ADGRL3: variants seen among roughly 807,000 people sequenced by gnomAD.
ADGRL3 encodes the protein calcium-independent alpha-latrotoxin receptor 3.
In ADGRL3, 62 loss-of-function variants were observed where a neutral mutation model predicts 153.5. The ratio of observed to expected loss-of-function variants is 0.40; its 90% CI spans 0.33 to 0.50. ADGRL3 has a LOEUF of 0.50. ADGRL3 is among the 20% of genes least tolerant of loss of function. The pLI is 0.47. For synonymous variants in ADGRL3, 710 were observed against 672.5 expected (o/e 1.06, Z -0.86); for missense variants, 1,641 against 1,859.4 (o/e 0.88, Z 2.16).
At chr4:61,243,842 T>C (rs977310742) in intron 1 of ADGRL3, among the ~76,000 whole-genome samples, 1 of 151,944 alleles carries the variant, frequency 6.6e-6, no homozygotes, top group African/African-American at 2.4e-5. Context: ...TAAAATAAGT[T>C]AAAGGACATT....
chr4:61,396,290 A>G lies in ADGRL3; in HGVS notation c.-174+13101A>G, dbSNP rs375574484. ...ATTTATATTTATGTTTAATATATTT[A>G]GAATGCAAACTAAGTTATAATGTTG... is the stretch of plus-strand genomic sequence containing the variant. On this transcript the variant is annotated intron_variant, in intron 2 of 26. Transcript: ENST00000683033. Among the ~76,000 whole-genome samples, 34 of 152,094 alleles carry G rather than the reference A, an allele frequency of 2.2e-4. No individual in the cohort carries two copies. The South Asian group carries it at 2.5e-3, about 11-fold the overall frequency.
chr4:61,326,695 T>A (rs2150881644), intron 1 of ADGRL3, among the ~76,000 whole-genome samples: 1 of 151,678 alleles, frequency 6.6e-6, no homozygotes, highest in Non-Finnish European at 1.5e-5. Context: ...AAAACCTAAA[T>A]TTTTGTTGGA....
At position 61,775,642 on chromosome 4, in the gene ADGRL3, C is replaced by T. The variant is rs1047167980; in HGVS notation, c.1400-38167C>T. On this transcript the variant is annotated intron_variant, in intron 8 of 26. Transcript: ENST00000683033. ...AATTAGGTTGATTTGGTGTTCAGCA[C>T]AAAGGGCCTCCACCAACTTGACATA... 48 of 1,486,966 alleles carry T rather than the reference C, an allele frequency of 3.2e-5. No homozygotes were observed. In the Admixed American group the frequency reaches 8.0e-4, roughly 25 times the overall value. 92.1% of individuals were successfully genotyped at this position (1,486,966 alleles called of 1,614,324 possible). A position where few individuals can be genotyped will look rare whatever the true frequency, so the allele number is the denominator to read the frequency against.
At chr4:61,205,796 A>G (rs547413143) in intron 1 of ADGRL3, among the ~76,000 whole-genome samples, 3 of 152,318 alleles carry the variant, frequency 2.0e-5, no homozygotes, top group Admixed American at 6.5e-5. Context: ...CAGATTTTTC[A>G]TTCATTGTAA....
At position 61,562,587 on chromosome 4, in the gene ADGRL3, C is replaced by T. The variant is rs566428218; in HGVS notation, c.260-24640C>T. ...GAGTAGATTCCATCTCAAGAAACTA[C>T]TTTGCTCATCCCCAAGAAGCAACTC... On this transcript the variant is annotated intron_variant, in intron 4 of 26. Coordinates refer to ENST00000683033, the MANE Select transcript of ADGRL3 (RefSeq NM_001387552.1). 9.0e-4 allele frequency among the ~76,000 whole-genome samples: 137 copies of T among 152,244 alleles called. 1 individual carries two copies. Among genetic ancestry groups the T allele is most frequent in the African/African-American group, 3.1e-3 (127 of 41,548 alleles).
At chr4:61,589,464 A>G (rs938161382) in intron 5 of ADGRL3, among the ~76,000 whole-genome samples, 4 of 152,100 alleles carry the variant, frequency 2.6e-5, no homozygotes, top group Admixed American at 1.3e-4. Context: ...AATAATTACT[A>G]CTTATGGTAT....
intron 8 of ADGRL3, among the ~76,000 whole-genome samples, chr4:61,758,754 G>C (rs1561197335): frequency 6.6e-6 from 1 of 152,164 alleles, no homozygotes. Context: ...CTCATTAGTT[G>C]ATGCAGTTTC....
rs553482688 is a variant in ADGRL3 at position 62,002,830 on chromosome 4, A to T, written c.3395+4565A>T. Among the ~76,000 whole-genome samples, 22 of 152,220 alleles carry T rather than the reference A, an allele frequency of 1.4e-4. No individual in the cohort carries two copies. The South Asian group carries it at 4.6e-3, about 32-fold the overall frequency. On this transcript the variant is annotated intron_variant, in intron 21 of 26. Transcript: ENST00000683033. Reference sequence around the variant, plus strand: ...ATAATCATAGCAAAACTCTAACCTAATTTAAAAATAGTATATGTAAATATG... The same window carrying T: ...ATAATCATAGCAAAACTCTAACCTATTTTAAAAATAGTATATGTAAATATG...
intron 4 of ADGRL3, among the ~76,000 whole-genome samples, chr4:61,565,589 G>C (rs1317259802): frequency 6.6e-6 from 1 of 151,844 alleles, no homozygotes. Flanking sequence ...CCAGACTGAA[G>C]TGCAGTGGCA....
chr4:61,937,134 G>A (rs1049588127), intron 15 of ADGRL3, among the ~76,000 whole-genome samples: 1 of 152,088 alleles, frequency 6.6e-6, no homozygotes, highest in South Asian at 2.1e-4. Flanking sequence ...TCGTTTCCCT[G>A]CCTCCACTCT....
At chr4:61,675,923 C>G (rs954816442) in intron 5 of ADGRL3, among the ~76,000 whole-genome samples, 3 of 151,540 alleles carry the variant, frequency 2.0e-5, no homozygotes, top group Admixed American at 6.6e-5. Context: ...ATTCTTGTAC[C>G]CAGGAACCAT....
At chr4:61,242,557 A>G (rs1431912793) in intron 1 of ADGRL3, among the ~76,000 whole-genome samples, 2 of 152,058 alleles carry the variant, frequency 1.3e-5, no homozygotes, top group African/African-American at 4.8e-5. Flanking sequence ...TGCATTCAGA[A>G]TTAATGTCTG....
At chr4:61,318,581 T>C (rs964249891) in intron 1 of ADGRL3, among the ~76,000 whole-genome samples, 1 of 152,186 alleles carries the variant, frequency 6.6e-6, no homozygotes, top group African/African-American at 2.4e-5. Flanking sequence ...CTGAACACGC[T>C]GTCTGCTGAA....
At chr4:61,712,516 T>C (rs1292918939) in intron 6 of ADGRL3, among the ~76,000 whole-genome samples, 1 of 152,192 alleles carries the variant, frequency 6.6e-6, no homozygotes, top group Non-Finnish European at 1.5e-5. Context: ...TCAGATCCCT[T>C]ATCCACAAGA....
intron 9 of ADGRL3, among the ~76,000 whole-genome samples, chr4:61,814,229 T>A (rs2097663091): frequency 6.6e-6 from 1 of 151,356 alleles, no homozygotes; most frequent in South Asian, 2.1e-4. Flanking sequence ...CTATCTTATT[T>A]TTTTTTTTTT....
At chr4:61,255,619 A>C (rs1577993905) in intron 1 of ADGRL3, among the ~76,000 whole-genome samples, 1 of 152,298 alleles carries the variant, frequency 6.6e-6, no homozygotes, top group South Asian at 2.1e-4. Flanking sequence ...ATTTCACATC[A>C]ATGTTACGAA....
chr4:61,848,766 T>A lies in ADGRL3; in HGVS notation c.1480+34877T>A, dbSNP rs117988167. 9.3e-4 allele frequency among the ~76,000 whole-genome samples: 142 copies of A among 152,278 alleles called. 2 individuals carry two copies. The East Asian group carries it at 0.026, about 28-fold the overall frequency. On this transcript the variant is annotated intron_variant, in intron 9 of 26. Coordinates refer to ENST00000683033, the MANE Select transcript of ADGRL3 (RefSeq NM_001387552.1). ...ACTCATGCAAGGATAAATTAAATGATCAAACTTTCTAAAGGCTTAATTAGC... is the reference window on the plus strand; with the variant it reads ...ACTCATGCAAGGATAAATTAAATGAACAAACTTTCTAAAGGCTTAATTAGC...
At chr4:61,604,295 AG>A (rs1340343732) in intron 5 of ADGRL3, among the ~76,000 whole-genome samples, 10 of 152,118 alleles carry the variant, frequency 6.6e-5, no homozygotes, top group African/African-American at 2.4e-4. Context: ...TAGGTTGTTG[AG>A]GTCTAGATAA....
intron 4 of ADGRL3, among the ~76,000 whole-genome samples, chr4:61,564,412 C>CT: frequency 6.6e-6 from 1 of 152,174 alleles, no homozygotes; most frequent in Middle Eastern, 3.4e-3. Context: ...GTAGCTGGGA[C>CT]TACAGGTGCA....
Sources: gnomAD v4.1 joint callset for allele counts (sites outside exome capture counted in the v4.1 genomes callset) on GRCh38, gnomAD v4.1.1 for gene constraint, MANE v1.5 for transcripts, NCBI Gene and HGNC (gene_info 2026-07-23, HGNC 2026-07-21) for gene names.